F5: variants seen among roughly 807,000 people sequenced by gnomAD.
F5 encodes activated protein c cofactor.
F5 carries 138 observed loss-of-function variants against 216.4 expected under a neutral mutation model. The ratio of observed to expected loss-of-function variants is 0.64; its 90% confidence interval spans 0.56 to 0.73. The LOEUF (loss-of-function observed/expected upper bound fraction) is 0.73, where lower values mean the gene tolerates loss of function less well. Among genes scored for constraint, F5 ranks in the 30% least tolerant of loss-of-function variants. F5 has a pLI of 0.00. For synonymous variants in F5, 916 were observed against 930.7 expected (o/e 0.98, Z 0.29); for missense variants, 2,403 against 2,674.0 (o/e 0.90, Z 2.24).
Position 169,541,672 on chromosome 1 carries a change from A to G in F5, c.3418T>C (p.Ser1140Pro). Residue 1140 changes from serine to proline, a missense_variant, in exon 13 of 25, where the codon TCT becomes CCT. This residue lies in a region of F5 where 1,425 missense variants were observed against 1,554.8 expected (regional missense o/e 0.92). Transcript: ENST00000367797. ...FPIQDPDQMHSTSDPSHRSSS... is the reference protein window; with the variant it reads ...FPIQDPDQMHPTSDPSHRSSS... ...GATCTGTGACTGGGGTCTGAAGTAG[A>G]GTGCATTTGATCAGGGTCTTGAATG... 2.5e-6 allele frequency: 4 copies of G among 1,614,126 alleles called. No individual in the cohort carries two copies. The highest frequency in any genetic ancestry group is 2.2e-5 in the South Asian group (2 of 91,082).
In F5 at chr1:169,541,976, T is replaced by A. The variant is rs1169004620; in HGVS notation, c.3114A>T (p.Thr1038=). 1 of 1,614,082 alleles carries A rather than the reference T, an allele frequency of 6.2e-7. No individual in the cohort carries two copies. Among genetic ancestry groups the A allele is most frequent in the Non-Finnish European group, 8.5e-7 (1 of 1,180,008 alleles). Residue 1038 remains threonine, a synonymous_variant, in exon 13 of 25, where the codon ACA becomes ACT. Transcript: ENST00000367797. The stretch of plus-strand genomic sequence containing the variant: ...TCCTCGGAGATAAAGGAGCATGGTG[T>A]GTGTGCTTCTCTTTTTTCTTTTTTC... The part of the protein sequence containing the change: ...KTRKKKKEKH[T]HHAPLSPRTF...
chr1:169,555,952 A>G (rs1464086357), intron 6 of F5, among the ~76,000 whole-genome samples: 2 of 152,302 alleles, frequency 1.3e-5, no homozygotes, highest in East Asian at 3.9e-4. Flanking sequence ...TTATTTTGGT[A>G]ACAAAATGAT....
intron 8 of F5, among the ~76,000 whole-genome samples, chr1:169,551,818 A>G (rs1571583366): frequency 6.6e-6 from 1 of 152,164 alleles, no homozygotes; most frequent in Non-Finnish European, 1.5e-5. Context: ...ATTCTTATCT[A>G]TCTTGGTGAA....
rs1033823527 is a variant in F5 at position 169,536,820 on chromosome 1, T to A, written c.4797-140A>T. The A allele has an allele frequency of 7.7e-6, 5 of 650,208 alleles. No individual in the cohort carries two copies. The South Asian group carries it at 9.4e-5, about 12-fold the overall frequency. 40.3% of individuals were successfully genotyped at this position (650,208 alleles called of 1,614,324 possible). Reference sequence around the variant, plus strand: ...CTTGGTGGATAAATGAGTAAATATATAAGTGGATAAAAACAAAAGCCAGTA... The same window carrying A: ...CTTGGTGGATAAATGAGTAAATATAAAAGTGGATAAAAACAAAAGCCAGTA... On this transcript the variant is annotated intron_variant, in intron 13 of 24. Transcript: ENST00000367797.
In F5 at chr1:169,512,641, G is replaced by A. The variant is rs983269327; in HGVS notation, c.*1672C>T. Among the ~76,000 whole-genome samples, 2 of 151,970 alleles carry A rather than the reference G, an allele frequency of 1.3e-5. No homozygotes were observed. Among genetic ancestry groups the A allele is most frequent in the African/African-American group, 2.4e-5 (1 of 41,398 alleles). On this transcript the variant is annotated 3_prime_UTR_variant, in exon 25 of 25. Transcript: ENST00000367797. ...TCCAACATTCTCTTTTGCTCTTAAC[G>A]GAATGGAAATCTTAGAAATGTTGAT...
intron 23 of F5, 104 bp downstream of exon 23, chr1:169,518,308 G>C: frequency 7.1e-7 from 1 of 1,400,368 alleles, no homozygotes; most frequent in South Asian, 1.2e-5. Context: ...TGCAGAAACA[G>C]ATTAAAATAC....
intron 12 of F5, among the ~76,000 whole-genome samples, chr1:169,543,373 C>A: frequency 6.6e-6 from 1 of 152,092 alleles, no homozygotes. Flanking sequence ...AGCACATGAC[C>A]AGTGCGTTCA....
At chr1:169,521,941 C>A (rs9332649) in intron 21 of F5, among the ~76,000 whole-genome samples, 13,029 of 151,612 alleles carry the variant, frequency 0.086, 652 homozygotes, top group African/African-American at 0.13. Flanking sequence ...TTAAAATCGA[C>A]AAATCTCTAG....
intron 7 of F5, among the ~76,000 whole-genome samples, chr1:169,554,918 G>A (rs1660274202): frequency 6.6e-6 from 1 of 152,160 alleles, no homozygotes. Context: ...TTGAAGCGAA[G>A]CTCTCAGAAA....
chr1:169,550,617 C>A (rs1345251959), intron 9 of F5, 23 bp downstream of exon 9: 2 of 1,575,666 alleles, frequency 1.3e-6, no homozygotes, highest in South Asian at 2.2e-5. Flanking sequence ...TAGTTGGATT[C>A]AGTAGAAGTG....
chr1:169,557,092 G>A (rs982629908), intron 5 of F5, among the ~76,000 whole-genome samples: 2 of 152,192 alleles, frequency 1.3e-5, no homozygotes, highest in African/African-American at 4.8e-5. Flanking sequence ...CATTATACAG[G>A]TAACAACAGA....
intron 5 of F5, 69 bp from the exon 6 acceptor site, chr1:169,556,936 T>G (rs1660346167): frequency 7.2e-7 from 1 of 1,383,900 alleles, no homozygotes; most frequent in Non-Finnish European, 1.0e-6. Flanking sequence ...AAACATTCAC[T>G]CACCAAGTGT....
intron 21 of F5, among the ~76,000 whole-genome samples, 166 bp downstream of exon 21, chr1:169,523,031 C>G (rs1017171667): frequency 5.9e-5 from 9 of 152,214 alleles, no homozygotes; most frequent in African/African-American, 2.2e-4. Context: ...TTGTAAGACA[C>G]AGACCTATCA....
In F5 at chr1:169,530,989, A is replaced by G. The variant is rs1261109995; in HGVS notation, c.5005T>C (p.Ser1669Pro). ...RFKNLASRPYSLHAHGLSYEK... is the reference protein window; with the variant it reads ...RFKNLASRPYPLHAHGLSYEK... ...TAGGAAAGTCCATGGGCATGTAGAG[A>G]ATACGGTCTGGATGCTAAATTTTTA... The change falls in exon 15 of 25, where the codon TCT (serine) becomes CCT (proline). Residue 1669 changes from serine to proline, a missense_variant. Around this residue, in one of 4 missense-constraint regions of F5, gnomAD observed 659 missense variants for 787.9 expected, o/e 0.84. Coordinates refer to ENST00000367797, the MANE Select transcript of F5 (RefSeq NM_000130.5). 1.2e-6 allele frequency: 2 copies of G among 1,613,618 alleles called. No individual in the cohort carries two copies. The highest frequency in any genetic ancestry group is 2.2e-5 in the South Asian group (2 of 91,088).
At chr1:169,554,915 G>A (rs547880006) in intron 7 of F5, among the ~76,000 whole-genome samples, 14 of 152,254 alleles carry the variant, frequency 9.2e-5, no homozygotes, top group Non-Finnish European at 8.8e-5. Flanking sequence ...GAGTTGAAGC[G>A]AAGCTCTCAG....
intron 5 of F5, among the ~76,000 whole-genome samples, chr1:169,558,156 G>A (rs1467088047): frequency 6.6e-6 from 1 of 152,140 alleles, no homozygotes; most frequent in Non-Finnish European, 1.5e-5. Context: ...TTGTAAGTAA[G>A]CACATTGAGA....
intron 11 of F5, among the ~76,000 whole-genome samples, 161 bp downstream of exon 11, chr1:169,546,281 A>T (rs150523844): frequency 2.4e-4 from 36 of 152,136 alleles, no homozygotes; most frequent in Middle Eastern, 6.8e-3. Context: ...TGTTGCTATG[A>T]TGTCACCCAC....
chr1:169,556,722 T>G lies in F5; in HGVS notation c.876A>C (p.Thr292=), dbSNP rs749327325. Residue 292 remains threonine, a synonymous_variant, in exon 6 of 25, where the codon ACA becomes ACC. Coordinates refer to ENST00000367797, the MANE Select transcript of F5 (RefSeq NM_000130.5). ...KVSAITLVSA[T]STTANMTVGP... ...CCACAGTCATATTTGCGGTAGTGGATGTAGCACTGACAAGGGTGATGGCTG... is the reference window on the plus strand; with the variant it reads ...CCACAGTCATATTTGCGGTAGTGGAGGTAGCACTGACAAGGGTGATGGCTG... The G allele has an allele frequency of 1.2e-6, 2 of 1,613,974 alleles. No homozygotes were observed. Among genetic ancestry groups the G allele is most frequent in the Non-Finnish European group, 1.7e-6 (2 of 1,180,012 alleles).
chr1:169,551,753 T>G (rs1326959357), intron 8 of F5, among the ~76,000 whole-genome samples: 1 of 152,160 alleles, frequency 6.6e-6, no homozygotes, highest in Non-Finnish European at 1.5e-5. Flanking sequence ...GTCTGTAGAT[T>G]AACTACACTC....
Sources: allele counts gnomAD v4.1 joint callset (sites outside exome capture counted in the v4.1 genomes callset), GRCh38; gene constraint gnomAD v4.1.1; regional missense constraint gnomAD v4.1.1; transcripts MANE v1.5; gene names NCBI Gene and HGNC (gene_info 2026-07-23, HGNC 2026-07-21).